The following WASF2 variants were observed in gnomAD, a reference collection of about 807,000 sequenced individuals.
WASF2 encodes the protein WASP family member 2.
Under a neutral mutation model 45.0 loss-of-function variants are expected in WASF2, and 14 were observed. The observed-to-expected ratio is 0.31, with a 90% CI of 0.21 to 0.49. The LOEUF (loss-of-function observed/expected upper bound fraction) is 0.49. Ranked by LOEUF, WASF2 falls within the 20% of genes least tolerant of loss-of-function variation. The pLI is 0.99. For missense variants in WASF2, 439 were observed against 636.1 expected, an observed-to-expected ratio of 0.69 and a Z score of 3.33; for synonymous variants, 200 against 236.3, an observed-to-expected ratio of 0.85 and a Z score of 1.41.
In WASF2 at chr1:27,408,331, C is replaced by T; in HGVS notation, c.1355G>A (p.Arg452Lys). The change falls in exon 9 of 9, where the codon AGG becomes AAG. Residue 452 changes from arginine (R) to lysine (K), a missense_variant. Arg to Lys is a conservative substitution (Grantham distance 26). Around this residue, in one of 5 missense-constraint regions of WASF2, gnomAD observed 286 missense variants for 373.5 expected, o/e 0.77. Transcript: ENST00000618852. ...CTCTTGTTCCCGCTGCTCCTCAACC[C>T]TGCGCAGCTGAAAACCTAGTGGCAA... ...SAIRQGFQLR[R>K]VEEQREQEKR... 6.2e-7 allele frequency: 1 copy of T among 1,614,236 alleles called. No individual in the cohort carries two copies. Among genetic ancestry groups the T allele is most frequent in the Non-Finnish European group, 8.5e-7 (1 of 1,180,046 alleles).
chr1:27,447,900 T>G (rs2017331356), intron 1 of WASF2, among the ~76,000 whole-genome samples: 1 of 152,242 alleles, frequency 6.6e-6, no homozygotes, highest in South Asian at 2.1e-4. Flanking sequence ...TGTCTTTAAA[T>G]GCCTACTGAC....
intron 1 of WASF2, among the ~76,000 whole-genome samples, chr1:27,455,237 A>G (rs1259946255): frequency 1.3e-5 from 2 of 152,032 alleles, no homozygotes; most frequent in Admixed American, 6.6e-5. Flanking sequence ...CCCTTTTCAT[A>G]GGAAGGAGTT....
At chr1:27,412,840 A>C in intron 6 of WASF2, 113 bp from the exon 7 acceptor site, 1 of 1,190,468 alleles carries the variant, frequency 8.4e-7, no homozygotes. Flanking sequence ...GGGAGAAGTA[A>C]AATAGGTATA....
intron 8 of WASF2, among the ~76,000 whole-genome samples, chr1:27,409,318 C>T (rs372721672): frequency 8.8e-5 from 13 of 148,202 alleles, no homozygotes; most frequent in East Asian, 4.0e-4. Context: ...CCAGCTACTC[C>T]GGAGGCTGAG....
chr1:27,442,715 C>A (rs924347177), intron 1 of WASF2, among the ~76,000 whole-genome samples: 5 of 151,060 alleles, frequency 3.3e-5, no homozygotes, highest in East Asian at 2.0e-4. Flanking sequence ...AAAAAACTAG[C>A]CAAAGGGCCG....
At chr1:27,432,465 G>A (rs2148113934) in intron 1 of WASF2, among the ~76,000 whole-genome samples, 1 of 151,896 alleles carries the variant, frequency 6.6e-6, no homozygotes, top group African/African-American at 2.4e-5. Context: ...TGGCTAACAT[G>A]GTGAAACGCC....
At chr1:27,475,377 T>C (rs1013519664) in intron 1 of WASF2, among the ~76,000 whole-genome samples, 5 of 152,216 alleles carry the variant, frequency 3.3e-5, no homozygotes, top group African/African-American at 1.2e-4. Context: ...TAGGCTTCCA[T>C]CACTCTCAGG....
intron 1 of WASF2, among the ~76,000 whole-genome samples, chr1:27,430,424 G>A (rs1489560894): frequency 6.6e-6 from 1 of 151,978 alleles, no homozygotes; most frequent in African/African-American, 2.4e-5. Flanking sequence ...GCAGTGGCAC[G>A]ATCTCAGCTC....
rs139308358 is a variant in WASF2 at position 27,424,244 on chromosome 1, C to T, written c.130+4517G>A. On this transcript the variant is annotated intron_variant, in intron 2 of 8. Coordinates refer to ENST00000618852, the MANE Select transcript of WASF2 (RefSeq NM_006990.5). The stretch of plus-strand genomic sequence containing the variant: ...AAGCACATATGAACCCTTCCCTGCA[C>T]TCCTCTCAGCTAGATGAAATCCCAG... Among the ~76,000 whole-genome samples, 369 of 152,316 alleles carry T rather than the reference C, an allele frequency of 2.4e-3. 2 individuals carry two copies. Among genetic ancestry groups the T allele is most frequent in the African/African-American group, 8.6e-3 (357 of 41,566 alleles).
chr1:27,453,079 C>T (rs577273248), intron 1 of WASF2, among the ~76,000 whole-genome samples: 26 of 150,848 alleles, frequency 1.7e-4, no homozygotes, highest in Non-Finnish European at 3.4e-4. Flanking sequence ...TTGTGTTACA[C>T]AGCTGCAGTC....
intron 7 of WASF2, among the ~76,000 whole-genome samples, chr1:27,412,293 A>G (rs1451438348): frequency 6.6e-6 from 1 of 152,012 alleles, no homozygotes; most frequent in Non-Finnish European, 1.5e-5. Flanking sequence ...TGCAGCCTTA[A>G]CCTCCCAGGC....
In WASF2 at chr1:27,409,984, T is replaced by C. The variant is rs2273270; in HGVS notation, c.1047A>G (p.Pro349=). 0.025 allele frequency: 40,938 copies of C among 1,608,918 alleles called. 4,944 individuals are homozygous for C. In the East Asian group the frequency reaches 0.33, roughly 13 times the overall value. Residue 349 remains proline (P), a synonymous_variant, in exon 8 of 9, where the codon CCA becomes CCG. Transcript: ENST00000618852. The part of the protein sequence containing the change: ...VGFGSPGTPP[P]PSPPSFPPHP... ...GAGGTGGGAAAGATGGGGGTGAGGG[T>C]GGTGGAGGCGTCCCTGGAGACCCAA...
chr1:27,437,716 T>C (rs1308201986), intron 1 of WASF2, among the ~76,000 whole-genome samples: 1 of 152,194 alleles, frequency 6.6e-6, no homozygotes, highest in African/African-American at 2.4e-5. Context: ...GGCTTTTACT[T>C]TGATTGGATA....
At chr1:27,482,774 AAAG>A (rs1186453087) in intron 1 of WASF2, among the ~76,000 whole-genome samples, 2 of 152,190 alleles carry the variant, frequency 1.3e-5, no homozygotes, top group Non-Finnish European at 1.5e-5. Flanking sequence ...GCATAACCAG[AAAG>A]AAGGAGAAAA....
rs2016701990 is a variant in WASF2 at position 27,407,939 on chromosome 1, C to A, written c.*250G>T. 1 of 414,488 alleles carries A rather than the reference C, an allele frequency of 2.4e-6. No individual in the cohort carries two copies. The highest frequency in any genetic ancestry group is 2.0e-5 in the African/African-American group (1 of 49,088). 25.7% of individuals were successfully genotyped at this position (414,488 alleles called of 1,614,324 possible). A position where few individuals can be genotyped will look rare whatever the true frequency, so the allele number is the denominator to read the frequency against. ...CCTTCCTTTCAATATGCAACAGGCA[C>A]TTGAAGGAAAGAGGGAACATCCCAG... On this transcript the variant is annotated 3_prime_UTR_variant, in exon 9 of 9. Coordinates refer to ENST00000618852, the MANE Select transcript of WASF2 (RefSeq NM_006990.5).
intron 5 of WASF2, among the ~76,000 whole-genome samples, 180 bp from the exon 6 acceptor site, chr1:27,415,143 TC>T: frequency 6.6e-6 from 1 of 152,276 alleles, no homozygotes; most frequent in Middle Eastern, 3.4e-3. Flanking sequence ...ATCCAAACCA[TC>T]CCCGGGTGAA....
intron 1 of WASF2, among the ~76,000 whole-genome samples, chr1:27,467,556 C>T (rs2017631911): frequency 6.6e-6 from 1 of 151,074 alleles, no homozygotes; most frequent in African/African-American, 2.4e-5. Context: ...CCGCCTTGAC[C>T]TCCCAAAGTG....
At chr1:27,454,176 TATATATATA>T (rs2017430950) in intron 1 of WASF2, among the ~76,000 whole-genome samples, 1 of 11,634 alleles carries the variant, frequency 8.6e-5, no homozygotes, top group African/African-American at 1.9e-4. Flanking sequence ...TATATATATA[TATATATATA>T]TATTTTTTTT....
At chr1:27,446,581 G>T (rs1279446122) in intron 1 of WASF2, among the ~76,000 whole-genome samples, 1 of 152,062 alleles carries the variant, frequency 6.6e-6, no homozygotes, top group Non-Finnish European at 1.5e-5. Flanking sequence ...AGGAGTTGGA[G>T]GCCAGCCTTG....
Sources: allele counts gnomAD v4.1 joint callset (sites outside exome capture counted in the v4.1 genomes callset), GRCh38; gene constraint gnomAD v4.1.1; regional missense constraint gnomAD v4.1.1; transcripts MANE v1.5; gene names NCBI Gene and HGNC (gene_info 2026-07-23, HGNC 2026-07-21).